MTUS2: variants seen among roughly 807,000 people sequenced by gnomAD.
MTUS2 encodes the protein microtubule-associated tumor suppressor candidate 2.
A neutral mutation model predicts 114.1 loss-of-function variants in MTUS2; 40 were observed. The ratio of observed to expected loss-of-function variants is 0.35; its 90% CI spans 0.27 to 0.46. MTUS2 has a LOEUF of 0.46. Ranked by LOEUF, MTUS2 falls within the 20% of genes least tolerant of loss-of-function variation. The pLI is 1.00. For missense variants in MTUS2, 1,679 were observed against 1,705.4 expected (o/e 0.98, Z 0.27); for synonymous variants, 688 against 672.0 (o/e 1.02, Z -0.37).
intron 5 of MTUS2, among the ~76,000 whole-genome samples, chr13:29,165,072 A>C (rs1475212785): frequency 6.6e-6 from 1 of 152,202 alleles, no homozygotes; most frequent in Non-Finnish European, 1.5e-5. Flanking sequence ...ACTACACAGC[A>C]GGAGCTATGG....
intron 2 of MTUS2, among the ~76,000 whole-genome samples, chr13:28,874,233 C>T (rs1877797271): frequency 6.6e-6 from 1 of 152,120 alleles, no homozygotes; most frequent in African/African-American, 2.4e-5. Context: ...GAACTCCTGA[C>T]CTCATGATCT....
chr13:29,204,663 G>C (rs897440350), intron 5 of MTUS2, among the ~76,000 whole-genome samples: 8 of 152,204 alleles, frequency 5.3e-5, no homozygotes, highest in African/African-American at 1.7e-4. Context: ...GCAGCACCCT[G>C]GCCTGGGGCC....
At chr13:29,395,527 A>G (rs1873847046) in intron 8 of MTUS2, among the ~76,000 whole-genome samples, 1 of 152,222 alleles carries the variant, frequency 6.6e-6, no homozygotes, top group African/African-American at 2.4e-5. Flanking sequence ...GGGAGATGTC[A>G]GTTGAGAAGG....
At chr13:29,497,666 C>A in intron 13 of MTUS2, 1 of 308,928 alleles carries the variant, frequency 3.2e-6, no homozygotes, top group South Asian at 5.2e-5. Flanking sequence ...CATTCTCCCG[C>A]AACTTTTTAA....
chr13:29,161,604 C>T (rs143187900), intron 5 of MTUS2, among the ~76,000 whole-genome samples: 1 of 152,304 alleles, frequency 6.6e-6, no homozygotes, highest in East Asian at 1.9e-4. Context: ...TCCCCTTTTC[C>T]GTAAAACTCT....
At chr13:28,875,564 A>AG (rs147609719) in intron 2 of MTUS2, among the ~76,000 whole-genome samples, 5,181 of 152,292 alleles carry the variant, frequency 0.034, 119 homozygotes, top group Middle Eastern at 0.055. Context: ...CTGTTGTGGA[A>AG]GGGAAAAAAC....
At chr13:29,446,143 G>A (rs1482148448) in intron 9 of MTUS2, among the ~76,000 whole-genome samples, 1 of 152,138 alleles carries the variant, frequency 6.6e-6, no homozygotes, top group Non-Finnish European at 1.5e-5. Context: ...CCTACCACTC[G>A]AAAAACTCCA....
In MTUS2 at chr13:29,480,385, G is replaced by C. The variant is rs202090497; in HGVS notation, c.3399+21G>C. 4.7e-6 allele frequency: 7 copies of C among 1,495,024 alleles called. No homozygotes were observed. Among genetic ancestry groups the C allele is most frequent in the African/African-American group, 1.4e-5 (1 of 71,464 alleles). 92.6% of individuals were successfully genotyped at this position (1,495,024 alleles called of 1,614,324 possible). A position where few individuals can be genotyped will look rare whatever the true frequency, so the allele number is the denominator to read the frequency against. On this transcript the variant is annotated intron_variant, in intron 10 of 15. Transcript: ENST00000612955. This position sits in a 1 kb window ranked among gnomAD's most constrained non-coding sequence, Gnocchi z 4.4. ...AGCAGGTCAGTCTGCAGTGCGGCTC[G>C]AGCTCTGCTGTTGGGTGATGCAGGT...
At chr13:29,280,348 C>T (rs939528778) in intron 5 of MTUS2, among the ~76,000 whole-genome samples, 2 of 152,188 alleles carry the variant, frequency 1.3e-5, no homozygotes, top group African/African-American at 2.4e-5. Flanking sequence ...AAACCTTGCA[C>T]AGCACTTTAA....
chr13:28,821,871 CTT>C (rs1175702893), intron 1 of MTUS2, among the ~76,000 whole-genome samples: 1 of 152,174 alleles, frequency 6.6e-6, no homozygotes, highest in Admixed American at 6.5e-5. Context: ...AGCATGTAGA[CTT>C]TTGTGTTTTG....
chr13:29,031,428 ATT>A (rs1886824233), intron 3 of MTUS2, among the ~76,000 whole-genome samples: 1 of 151,798 alleles, frequency 6.6e-6, no homozygotes, highest in East Asian at 1.9e-4. Context: ...ATAGAGAGAG[ATT>A]GATTGACTGA....
rs1566172596 is a variant in MTUS2, at chr13:29,389,362, T to TAC, written c.3117+29889_3117+29890insAC. The stretch of plus-strand genomic sequence containing the variant: ...GTATGCACGTGTGTGTATATATGTA[T>TAC]GCACGTGTGTGTATATATGTATACA... On this transcript the variant is annotated intron_variant, in intron 8 of 15. Coordinates refer to ENST00000612955, the MANE Select transcript of MTUS2 (RefSeq NM_001033602.4). Among the ~76,000 whole-genome samples the TAC allele has an allele frequency of 6.5e-5, 5 of 77,294 alleles. No individual in the cohort carries two copies. The East Asian group carries it at 1.2e-3, about 19-fold the overall frequency. 50.7% of individuals were successfully genotyped at this position (77,294 alleles called of 152,430 possible).
chr13:29,390,756 G>GTGATGA (rs71090251), intron 8 of MTUS2, among the ~76,000 whole-genome samples: 15,105 of 146,562 alleles, frequency 0.1, 848 homozygotes, highest in Non-Finnish European at 0.13. Flanking sequence ...CCACCAAATG[G>GTGATGA]TGATGATGAT....
intron 8 of MTUS2, among the ~76,000 whole-genome samples, chr13:29,387,684 C>CA (rs1872721603): frequency 6.6e-6 from 1 of 152,202 alleles, no homozygotes; most frequent in East Asian, 1.9e-4. Context: ...CGTTAGGAGA[C>CA]ACGTGTGTGG....
chr13:28,832,257 A>C (rs994961434), intron 1 of MTUS2, among the ~76,000 whole-genome samples: 2 of 152,208 alleles, frequency 1.3e-5, no homozygotes, highest in Non-Finnish European at 2.9e-5. Context: ...AAAATAGACT[A>C]TGTAATAGGT....
At chr13:28,912,849 C>A (rs558399423) in intron 2 of MTUS2, among the ~76,000 whole-genome samples, 1 of 151,682 alleles carries the variant, frequency 6.6e-6, no homozygotes, top group Non-Finnish European at 1.5e-5. Context: ...GGAATGCTAG[C>A]GATTTTTGCA....
chr13:29,123,886 C>T (rs1055625900), intron 5 of MTUS2, among the ~76,000 whole-genome samples: 2 of 152,172 alleles, frequency 1.3e-5, no homozygotes, highest in Non-Finnish European at 2.9e-5. Flanking sequence ...GCTGCCATCC[C>T]CCTGCAGATG....
chr13:29,371,707 T>G (rs1871201020), intron 8 of MTUS2, among the ~76,000 whole-genome samples: 1 of 152,148 alleles, frequency 6.6e-6, no homozygotes, highest in African/African-American at 2.4e-5. Context: ...ATATCCCACC[T>G]AATTGTTTCA....
chr13:29,428,598 T>TTGGGGCC, intron 8 of MTUS2: 1 of 155,460 alleles, frequency 6.4e-6, no homozygotes, highest in East Asian at 2.0e-4. Context: ...CCTTCCTGGC[T>TTGGGGCC]CCCGCCCGCC....
Sources: gnomAD v4.1 joint callset for allele counts (sites outside exome capture counted in the v4.1 genomes callset) on GRCh38, gnomAD v4.1.1 for gene constraint, Gnocchi (gnomAD v3.1) non-coding constraint, MANE v1.5 for transcripts, NCBI Gene and HGNC (gene_info 2026-07-23, HGNC 2026-07-21) for gene names.